Variants in TEX11 observed in about 807,000 individuals in gnomAD.
TEX11 encodes testis expressed 11.
Under a neutral mutation model 84.4 loss-of-function variants are expected in TEX11, and 7 were observed. The observed-to-expected ratio is 0.08, with a 90% CI of 0.05 to 0.16. The LOEUF is 0.16. Among genes scored for constraint, TEX11 ranks in the 10% least tolerant of loss-of-function variants. TEX11 has a pLI of 1.00. For synonymous variants in TEX11, 264 were observed against 222.8 expected, an observed-to-expected ratio of 1.18 and a Z score of -1.64; for missense variants, 551 against 660.5, an observed-to-expected ratio of 0.83 and a Z score of 1.82.
At chrX:70,649,458 T>C (rs961218965) in intron 17 of TEX11, among the ~76,000 whole-genome samples, 1 of 112,500 alleles carries the variant, frequency 8.9e-6, no homozygotes, top group East Asian at 2.8e-4. Flanking sequence ...GATGAGGATG[T>C]AGATCAGCTA....
intron 11 of TEX11, among the ~76,000 whole-genome samples, chrX:70,732,179 A>G (rs2090657931): frequency 8.9e-6 from 1 of 111,795 alleles, no homozygotes; most frequent in South Asian, 3.8e-4. Flanking sequence ...TATCTATGAC[A>G]AACCCACAGC....
intron 2 of TEX11, among the ~76,000 whole-genome samples, chrX:70,883,774 G>A (rs2091695319): frequency 8.9e-6 from 1 of 112,167 alleles, no homozygotes; most frequent in Non-Finnish European, 1.9e-5. Context: ...GGGTTCACTC[G>A]ATTGAGGCAG....
intron 17 of TEX11, among the ~76,000 whole-genome samples, chrX:70,642,424 T>C (rs2089674161): frequency 9.0e-6 from 1 of 110,834 alleles, no homozygotes; most frequent in Admixed American, 9.6e-5. Flanking sequence ...TTTTATGAGA[T>C]CAGCATCATT....
intron 9 of TEX11, among the ~76,000 whole-genome samples, chrX:70,746,752 G>A (rs1569427344): frequency 8.9e-6 from 1 of 112,244 alleles, no homozygotes; most frequent in East Asian, 2.8e-4. Context: ...GATAATGGTA[G>A]CAATAAGGGA....
intron 17 of TEX11, among the ~76,000 whole-genome samples, chrX:70,642,063 A>G (rs1370039528): frequency 1.8e-3 from 195 of 109,835 alleles, no homozygotes; most frequent in Non-Finnish European, 2.6e-3. Flanking sequence ...TCAAATAGAC[A>G]CAATAAAAAA....
intron 8 of TEX11, among the ~76,000 whole-genome samples, chrX:70,815,960 C>T (rs1404686001): frequency 1.8e-5 from 2 of 111,127 alleles, no homozygotes; most frequent in African/African-American, 3.3e-5. Flanking sequence ...TATTGGAGAA[C>T]AGGTGGTGTT....
chrX:70,601,965 T>C (rs1212329385), intron 24 of TEX11, among the ~76,000 whole-genome samples: 2 of 110,921 alleles, frequency 1.8e-5, no homozygotes, highest in African/African-American at 6.5e-5. Context: ...AACCATCCGA[T>C]TTCTCAATTT....
intron 24 of TEX11, among the ~76,000 whole-genome samples, chrX:70,599,562 C>T (rs7052185): frequency 0.078 from 8,508 of 109,734 alleles, 414 homozygotes; most frequent in Admixed American, 0.25. Flanking sequence ...GGTACATGTG[C>T]ACATTGTGCA....
At chrX:70,734,010 T>C (rs1305968953) in intron 11 of TEX11, among the ~76,000 whole-genome samples, 2 of 110,812 alleles carry the variant, frequency 1.8e-5, no homozygotes, top group East Asian at 2.8e-4. Flanking sequence ...TGTGGGGACA[T>C]GGATGAAGCT....
intron 8 of TEX11, among the ~76,000 whole-genome samples, chrX:70,816,649 T>C (rs1343261946): frequency 1.8e-5 from 2 of 109,729 alleles, no homozygotes; most frequent in East Asian, 5.7e-4. Context: ...GAGGCGGCAG[T>C]TGCAGTGAGC....
At chrX:70,585,388 C>G (rs1333570530) in intron 25 of TEX11, among the ~76,000 whole-genome samples, 1 of 112,200 alleles carries the variant, frequency 8.9e-6, no homozygotes, top group African/African-American at 3.2e-5. Flanking sequence ...AGACAGCCTA[C>G]ATTTATGGAT....
chrX:70,706,106 C>T (rs891316755), intron 13 of TEX11, among the ~76,000 whole-genome samples: 2 of 111,535 alleles, frequency 1.8e-5, no homozygotes, highest in African/African-American at 6.5e-5. Flanking sequence ...GGCACATATA[C>T]ACCATGGAAT....
At chrX:70,746,658 A>G (rs1295366758) in intron 9 of TEX11, among the ~76,000 whole-genome samples, 2 of 112,230 alleles carry the variant, frequency 1.8e-5, no homozygotes, top group African/African-American at 6.5e-5. Flanking sequence ...AAAACAGAGC[A>G]TGGAGAAGAT....
At chrX:70,623,924 A>G (rs1222402325) in intron 20 of TEX11, 26 bp downstream of exon 20, 2 of 1,160,225 alleles carry the variant, frequency 1.7e-6, no homozygotes, top group South Asian at 3.8e-5. Context: ...AATGGGGAAT[A>G]CATCATTTTT....
At chrX:70,808,705 C>A (rs777693002) in intron 8 of TEX11, among the ~76,000 whole-genome samples, 2 of 108,704 alleles carry the variant, frequency 1.8e-5, no homozygotes, top group East Asian at 5.7e-4. Flanking sequence ...CATATACCCA[C>A]AAAAGTAAAA....
intron 13 of TEX11, among the ~76,000 whole-genome samples, chrX:70,712,146 T>C (rs2090442120): frequency 1.8e-5 from 2 of 111,691 alleles, no homozygotes; most frequent in African/African-American, 6.5e-5. Flanking sequence ...TCCATTGGTC[T>C]GTATCTCTGT....
At chrX:70,534,011 G>A (rs1036090773) in intron 28 of TEX11, among the ~76,000 whole-genome samples, 53 of 98,979 alleles carry the variant, frequency 5.4e-4, no homozygotes, top group African/African-American at 1.9e-3. Flanking sequence ...GGAATCGCTT[G>A]AACCTGGGAG....
intron 9 of TEX11, among the ~76,000 whole-genome samples, chrX:70,791,954 C>T (rs1253324376): frequency 1.8e-5 from 2 of 108,483 alleles, no homozygotes; most frequent in African/African-American, 3.3e-5. Flanking sequence ...GAAGAAACTC[C>T]GTCTCTACCA....
chrX:70,654,103 C>G (rs893972104), intron 16 of TEX11, among the ~76,000 whole-genome samples: 4 of 111,450 alleles, frequency 3.6e-5, no homozygotes, highest in African/African-American at 1.3e-4. Context: ...ATGGTAGACA[C>G]TTTTTTATAC....
Sources: gnomAD v4.1 joint callset for allele counts (sites outside exome capture counted in the v4.1 genomes callset) on GRCh38, gnomAD v4.1.1 for gene constraint, MANE v1.5 for transcripts, NCBI Gene and HGNC (gene_info 2026-07-23, HGNC 2026-07-21) for gene names.